PKIB: variants seen among roughly 807,000 people sequenced by gnomAD.
PKIB encodes the protein cAMP-dependent protein kinase inhibitor beta.
Under a neutral mutation model 4.5 loss-of-function variants are expected in PKIB, and 2 were observed. That is an observed-to-expected ratio of 0.44 (90% CI 0.18 to 1.39). The LOEUF is 1.39. Ranked by LOEUF, PKIB falls within the 40% of genes most tolerant of loss-of-function variation. The probability of loss-of-function intolerance (pLI) is 0.27; values close to 1 mark genes in which losing one functional copy is unlikely to be tolerated. For synonymous variants in PKIB, 38 were observed against 36.0 expected, an observed-to-expected ratio of 1.06 and a Z score of -0.20; for missense variants, 94 against 92.6, an observed-to-expected ratio of 1.02 and a Z score of -0.06.
At chr6:122,501,972 G>A (rs192348485) in intron 2 of PKIB, among the ~76,000 whole-genome samples, 103 of 136,806 alleles carry the variant, frequency 7.5e-4, no homozygotes, top group Admixed American at 3.9e-3. Flanking sequence ...TTTTTTTCGA[G>A]ATGGAGTTTT....
chr6:122,633,891 GAC>G (rs1192824508), intron 2 of PKIB, among the ~76,000 whole-genome samples: 4 of 152,096 alleles, frequency 2.6e-5, no homozygotes, highest in Non-Finnish European at 5.9e-5. Context: ...TTGTTTGAGA[GAC>G]AGGTTTTTGT....
At chr6:122,634,646 C>G (rs1335099669) in intron 2 of PKIB, among the ~76,000 whole-genome samples, 1 of 152,166 alleles carries the variant, frequency 6.6e-6, no homozygotes, top group Non-Finnish European at 1.5e-5. Flanking sequence ...CTTCTTAAAA[C>G]CAGTGTACAA....
chr6:122,552,434 T>TG, intron 2 of PKIB, among the ~76,000 whole-genome samples: 1 of 152,244 alleles, frequency 6.6e-6, no homozygotes, highest in African/African-American at 2.4e-5. Flanking sequence ...TAGAGTGCAG[T>TG]GGCTCGATCT....
intron 2 of PKIB, among the ~76,000 whole-genome samples, chr6:122,660,972 A>G (rs141761328): frequency 0.01 from 1,577 of 152,296 alleles, 26 homozygotes; most frequent in African/African-American, 0.035. Context: ...GAATAATCAA[A>G]AGGTAGAAAA....
intron 1 of PKIB, among the ~76,000 whole-genome samples, chr6:122,620,517 T>C (rs1293468010): frequency 6.6e-6 from 1 of 152,202 alleles, no homozygotes; most frequent in Non-Finnish European, 1.5e-5. Flanking sequence ...ACTTAGACAA[T>C]CGTTTACTGC....
chr6:122,680,437 A>G (rs183664835), intron 3 of PKIB, among the ~76,000 whole-genome samples: 396 of 152,280 alleles, frequency 2.6e-3, no homozygotes, highest in Admixed American at 3.7e-3. Flanking sequence ...CTTCAGACCT[A>G]TGGTTGAATG....
chr6:122,677,457 G>T (rs1200651649), intron 3 of PKIB, among the ~76,000 whole-genome samples: 1 of 152,292 alleles, frequency 6.6e-6, no homozygotes, highest in South Asian at 2.1e-4. Context: ...ATATGGATGA[G>T]GGGTTGTAGT....
At chr6:122,517,458 A>G (rs1356852975) in intron 2 of PKIB, among the ~76,000 whole-genome samples, 3 of 152,216 alleles carry the variant, frequency 2.0e-5, no homozygotes, top group Non-Finnish European at 4.4e-5. Flanking sequence ...TTGCCTTCTA[A>G]AAAGATGAGC....
At chr6:122,670,128 G>A (rs1777395765) in intron 2 of PKIB, among the ~76,000 whole-genome samples, 1 of 151,844 alleles carries the variant, frequency 6.6e-6, no homozygotes, top group Non-Finnish European at 1.5e-5. Flanking sequence ...GGGCAAAAGA[G>A]GAATGAGAGA....
At chr6:122,526,379 A>C (rs557674391) in intron 2 of PKIB, among the ~76,000 whole-genome samples, 1 of 152,168 alleles carries the variant, frequency 6.6e-6, no homozygotes, top group Non-Finnish European at 1.5e-5. Context: ...AGATCCATCA[A>C]ATGAATCATT....
intron 3 of PKIB, among the ~76,000 whole-genome samples, chr6:122,704,752 G>GTGTGTGTGTT (rs1778986944): frequency 6.6e-6 from 1 of 151,776 alleles, no homozygotes; most frequent in South Asian, 2.1e-4. Flanking sequence ...GTGTGTGTGT[G>GTGTGTGTGTT]TTTATGTTTA....
rs138067664 is a variant in PKIB at position 122,668,524 on chromosome 6, G to A, written c.-75-6554G>A. 2.0e-5 allele frequency among the ~76,000 whole-genome samples: 3 copies of A among 152,270 alleles called. No homozygotes were observed. In the East Asian group the frequency reaches 5.8e-4, roughly 29 times the overall value. On this transcript the variant is annotated intron_variant, in intron 2 of 4. Coordinates refer to ENST00000368452, the MANE Select transcript of PKIB (RefSeq NM_181795.3). ...ACACATTCTGCAGACTAAAACTAGAGAGAAAACAATCTTCAGAGAAAAAGC... is the reference window on the plus strand; with the variant it reads ...ACACATTCTGCAGACTAAAACTAGAAAGAAAACAATCTTCAGAGAAAAAGC...
chr6:122,489,579 A>G (rs1470806022), intron 2 of PKIB, among the ~76,000 whole-genome samples: 1 of 152,264 alleles, frequency 6.6e-6, no homozygotes, highest in African/African-American at 2.4e-5. Flanking sequence ...CTTTTAAAAT[A>G]CTACTTATCA....
At chr6:122,573,437 G>A (rs28806799) in intron 2 of PKIB, among the ~76,000 whole-genome samples, 3 of 149,596 alleles carry the variant, frequency 2.0e-5, no homozygotes, top group Non-Finnish European at 4.4e-5. Context: ...TGGAAGGATC[G>A]CTTGAGCCCA....
intron 2 of PKIB, among the ~76,000 whole-genome samples, chr6:122,505,022 T>A (rs1168913178): frequency 1.3e-5 from 2 of 152,148 alleles, no homozygotes; most frequent in Non-Finnish European, 2.9e-5. Flanking sequence ...TACAATCACT[T>A]AGATCTAAGA....
chr6:122,645,059 GA>G (rs1776259781), intron 2 of PKIB, among the ~76,000 whole-genome samples: 1 of 152,144 alleles, frequency 6.6e-6, no homozygotes, highest in South Asian at 2.1e-4. Context: ...AGACTGTTTG[GA>G]AAGCTGAATT....
intron 2 of PKIB, among the ~76,000 whole-genome samples, chr6:122,540,827 T>C (rs1190319763): frequency 3.3e-5 from 5 of 151,620 alleles, no homozygotes; most frequent in Admixed American, 3.3e-4. Context: ...AGTCTCTTTG[T>C]AGGTCACTCA....
chr6:122,611,209 ATG>A (rs1774739893), intron 1 of PKIB, among the ~76,000 whole-genome samples: 1 of 152,170 alleles, frequency 6.6e-6, no homozygotes, highest in Non-Finnish European at 1.5e-5. Flanking sequence ...GTTGGTGCTG[ATG>A]CTAGCCCCTT....
chr6:122,512,198 G>A (rs1190201603), intron 2 of PKIB, among the ~76,000 whole-genome samples: 1 of 152,102 alleles, frequency 6.6e-6, no homozygotes, highest in African/African-American at 2.4e-5. Flanking sequence ...TTTTGCACAT[G>A]TTTAAAAAAT....
Sources: gnomAD v4.1 joint callset for allele counts (sites outside exome capture counted in the v4.1 genomes callset) on GRCh38, gnomAD v4.1.1 for gene constraint, MANE v1.5 for transcripts, NCBI Gene and HGNC (gene_info 2026-07-23, HGNC 2026-07-21) for gene names.